The following PILRA variants were observed in gnomAD, a reference collection of about 807,000 sequenced individuals.
The protein encoded by PILRA is paired immunoglobulin-like type 2 receptor alpha.
Under a neutral mutation model 33.1 loss-of-function variants are expected in PILRA, and 37 were observed. The observed-to-expected ratio is 1.12, with a 90% CI of 0.86 to 1.47. The LOEUF (loss-of-function observed/expected upper bound fraction) is 1.47, where lower values mean the gene tolerates loss of function less well. Ranked by LOEUF, PILRA falls within the 40% of genes most tolerant of loss-of-function variation. PILRA has a pLI of 0.00. For synonymous variants in PILRA, 146 were observed against 149.9 expected (o/e 0.97, Z 0.19); for missense variants, 312 against 376.2 (o/e 0.83, Z 1.41).
intron 2 of PILRA, among the ~76,000 whole-genome samples, chr7:100,378,719 G>T (rs113388101): frequency 5.2e-4 from 79 of 151,822 alleles, no homozygotes; most frequent in South Asian, 2.3e-3. Context: ...AAAGAAAAAA[G>T]ATTTTTTTAC....
intron 3 of PILRA, among the ~76,000 whole-genome samples, chr7:100,392,622 A>G (rs560413202): frequency 6.6e-6 from 1 of 152,360 alleles, no homozygotes; most frequent in East Asian, 1.9e-4. Flanking sequence ...TTTAAAAGAC[A>G]AAACAGTACA....
In PILRA at chr7:100,374,421, T is replaced by A. The variant is rs545578307; in HGVS notation, c.442T>A (p.Ser148Thr). 4.2e-5 allele frequency: 68 copies of A among 1,613,948 alleles called. No homozygotes were observed. The Admixed American group carries it at 5.5e-4, about 13-fold the overall frequency. Residue 148 changes from serine (S) to threonine (T), a missense_variant, in exon 2 of 7, where the codon TCC becomes ACC. Coordinates refer to ENST00000198536, the MANE Select transcript of PILRA (RefSeq NM_013439.3). ...GCAGTCCATCGAGGGGACCAAACTC[T>A]CCATCACCCAGGGTGAGTCCAGCTG... Reference protein sequence around the residue: ...QWQSIEGTKLSITQAVTTTTQ... With the variant: ...QWQSIEGTKLTITQAVTTTTQ...
chr7:100,398,692 G>A (rs954284796), intron 4 of PILRA, among the ~76,000 whole-genome samples: 1 of 152,178 alleles, frequency 6.6e-6, no homozygotes, highest in Non-Finnish European at 1.5e-5. Flanking sequence ...CAGAGAGAAA[G>A]CAAGGATTGA....
intron 2 of PILRA, among the ~76,000 whole-genome samples, chr7:100,383,390 G>A (rs1039990497): frequency 6.6e-6 from 1 of 152,190 alleles, no homozygotes. Context: ...AGCAGACCTG[G>A]AGAAGCCCCA....
chr7:100,373,793 G>T, intron 1 of PILRA, 73 bp downstream of exon 1: 1 of 1,585,202 alleles, frequency 6.3e-7, no homozygotes. Flanking sequence ...ACAAAGGTGG[G>T]ACATCTTGGG....
chr7:100,374,393 G>A lies in PILRA; in HGVS notation c.414G>A (p.Gln138=), dbSNP rs150831633. Residue 138 remains glutamine, a synonymous_variant, in exon 2 of 7, where the codon CAG becomes CAA. Coordinates refer to ENST00000198536, the MANE Select transcript of PILRA (RefSeq NM_013439.3). Reference sequence around the variant, plus strand: ...ACACACGGAGCTCAGGGAGGCAGCAGTGGCAGTCCATCGAGGGGACCAAAC... The same window carrying A: ...ACACACGGAGCTCAGGGAGGCAGCAATGGCAGTCCATCGAGGGGACCAAAC... ...ELDTRSSGRQ[Q]WQSIEGTKLS... 19 of 1,613,984 alleles carry A rather than the reference G, an allele frequency of 1.2e-5. No homozygotes were observed. In the African/African-American group the frequency reaches 2.0e-4, roughly 17 times the overall value.
intron 2 of PILRA, among the ~76,000 whole-genome samples, chr7:100,386,949 ATG>A (rs1027720956): frequency 6.6e-6 from 1 of 152,132 alleles, no homozygotes; most frequent in Non-Finnish European, 1.5e-5. Context: ...GGAAACTTCT[ATG>A]TGAGAATTCT....
At chr7:100,372,045 C>T (rs1462171244), upstream of PILRA, among the ~76,000 whole-genome samples, 3 of 152,166 alleles carry the variant, frequency 2.0e-5, no homozygotes, top group African/African-American at 4.8e-5. Flanking sequence ...TCAGCCAGGT[C>T]CTCAGGTGGG....
At chr7:100,379,171 AG>A (rs1479121634) in intron 2 of PILRA, among the ~76,000 whole-genome samples, 8 of 151,618 alleles carry the variant, frequency 5.3e-5, no homozygotes, top group Admixed American at 4.6e-4. Context: ...TTGGAGGCTC[AG>A]GTGGGCTGAT....
At chr7:100,382,643 A>G (rs1387976974) in intron 2 of PILRA, among the ~76,000 whole-genome samples, 1 of 152,222 alleles carries the variant, frequency 6.6e-6, no homozygotes, top group Non-Finnish European at 1.5e-5. Context: ...GTAAGGGAAT[A>G]AAAGCAGGCT....
chr7:100,382,294 C>A (rs1408595081), intron 2 of PILRA, among the ~76,000 whole-genome samples: 1 of 152,140 alleles, frequency 6.6e-6, no homozygotes, highest in East Asian at 1.9e-4. Context: ...TGTGAATGCA[C>A]CAATCAGTAC....
At chr7:100,397,451 C>A (rs1791523049) in intron 3 of PILRA, among the ~76,000 whole-genome samples, 1 of 151,700 alleles carries the variant, frequency 6.6e-6, no homozygotes, top group Non-Finnish European at 1.5e-5. Flanking sequence ...GCTCCCAAGG[C>A]TGGAGGGCAG....
chr7:100,382,563 A>C (rs779708800), intron 2 of PILRA, among the ~76,000 whole-genome samples: 1 of 151,730 alleles, frequency 6.6e-6, no homozygotes, highest in East Asian at 1.9e-4. Context: ...CGGACCAATC[A>C]GCTCTCTGTA....
At chr7:100,380,387 TC>T (rs2130177085) in intron 2 of PILRA, among the ~76,000 whole-genome samples, 1 of 152,312 alleles carries the variant, frequency 6.6e-6, no homozygotes, top group Admixed American at 6.5e-5. Flanking sequence ...AGCATTTCCT[TC>T]TACTCAGAAA....
chr7:100,395,923 G>C (rs978256764), intron 3 of PILRA, among the ~76,000 whole-genome samples: 1 of 152,048 alleles, frequency 6.6e-6, no homozygotes, highest in African/African-American at 2.4e-5. Context: ...CCAGGAGTTC[G>C]AGACCAGCTT....
chr7:100,387,919 C>G (rs1010780498), intron 2 of PILRA, among the ~76,000 whole-genome samples: 5 of 152,058 alleles, frequency 3.3e-5, no homozygotes, highest in Non-Finnish European at 5.9e-5. Context: ...TCATTACTTT[C>G]TTCCTCTGAG....
At chr7:100,371,639 A>G (rs374480590), upstream of PILRA, among the ~76,000 whole-genome samples, 9 of 152,112 alleles carry the variant, frequency 5.9e-5, no homozygotes, top group Non-Finnish European at 1.3e-4. Context: ...CGCCTCTCCC[A>G]TGAGCACCTG....
In PILRA at chr7:100,374,326, A is replaced by G. The variant is rs781172979; in HGVS notation, c.347A>G (p.Gln116Arg). The change falls in exon 2 of 7, where the codon CAG (glutamine) becomes CGG (arginine). Residue 116 changes from glutamine to arginine, a missense_variant. Physicochemically the swap from Gln to Arg is conservative, Grantham distance 43. Coordinates refer to ENST00000198536, the MANE Select transcript of PILRA (RefSeq NM_013439.3). ...GGCTTCCTCAGGATCTCCAACCTGC[A>G]GAAGCAGGACCAGTCTGTGTATTTC... ...KSGFLRISNL[Q>R]KQDQSVYFCR... The G allele has an allele frequency of 1.4e-5, 22 of 1,613,992 alleles. No individual in the cohort carries two copies. Among genetic ancestry groups the G allele is most frequent in the Non-Finnish European group, 1.5e-5 (18 of 1,180,000 alleles).
intron 2 of PILRA, among the ~76,000 whole-genome samples, chr7:100,386,034 A>G (rs1791245562): frequency 6.6e-6 from 1 of 151,290 alleles, no homozygotes; most frequent in Non-Finnish European, 1.5e-5. Flanking sequence ...GGTTCAAGTG[A>G]TTCTCCTGCC....
Sources: gnomAD v4.1 joint callset for allele counts (sites outside exome capture counted in the v4.1 genomes callset) on GRCh38, gnomAD v4.1.1 for gene constraint, MANE v1.5 for transcripts, NCBI Gene and HGNC (gene_info 2026-07-23, HGNC 2026-07-21) for gene names.